PCDH10: variants seen among roughly 807,000 people sequenced by gnomAD.
PCDH10 encodes the protein protocadherin 10.
PCDH10 carries 15 observed loss-of-function variants against 74.4 expected under a neutral mutation model. The observed-to-expected ratio is 0.20, with a 90% confidence interval of 0.13 to 0.31. PCDH10 has a LOEUF of 0.31. Among genes scored for constraint, PCDH10 ranks in the 10% least tolerant of loss-of-function variants. The probability of loss-of-function intolerance (pLI) is 1.00; values close to 1 mark genes in which losing one functional copy is unlikely to be tolerated. For missense variants in PCDH10, 1,260 were observed against 1,390.2 expected, an observed-to-expected ratio of 0.91 and a Z score of 1.49; for synonymous variants, 619 against 589.8, an observed-to-expected ratio of 1.05 and a Z score of -0.72.
At chr4:133,168,822 A>C (rs1727140760) in intron 4 of PCDH10, among the ~76,000 whole-genome samples, 1 of 151,802 alleles carries the variant, frequency 6.6e-6, no homozygotes, top group East Asian at 1.9e-4. Flanking sequence ...TCATTTATGC[A>C]CACACTCAGT....
chr4:133,201,917 G>A (rs1183138663), intron 2 of PCDH10, among the ~76,000 whole-genome samples: 1 of 149,206 alleles, frequency 6.7e-6, no homozygotes, highest in Non-Finnish European at 1.5e-5. Flanking sequence ...ACAATTCTTT[G>A]GCTAGGGGAA....
At position 133,187,275 on chromosome 4, in the gene PCDH10, A is replaced by G. The variant is rs148203495; in HGVS notation, c.3104-2866A>G. The stretch of plus-strand genomic sequence containing the variant: ...TACTGCCTTGAATTTATGTGAATGA[A>G]GTGATGTGCCTGGTGTTAGGCATTA... On this transcript the variant is annotated intron_variant, in intron 4 of 4. Coordinates refer to ENST00000264360, the MANE Select transcript of PCDH10 (RefSeq NM_032961.3). Among the ~76,000 whole-genome samples, 855 of 152,220 alleles carry G rather than the reference A, an allele frequency of 5.6e-3. 9 individuals carry two copies. The highest frequency in any genetic ancestry group is 0.02 in the African/African-American group (817 of 41,554).
chr4:133,181,061 C>T (rs1727404719), intron 4 of PCDH10, among the ~76,000 whole-genome samples: 1 of 151,540 alleles, frequency 6.6e-6, no homozygotes, highest in Non-Finnish European at 1.5e-5. Flanking sequence ...AGTATGTACC[C>T]AGGCCTTCAT....
intron 4 of PCDH10, among the ~76,000 whole-genome samples, chr4:133,169,502 ATTAT>A (rs1367239978): frequency 6.6e-6 from 1 of 151,882 alleles, no homozygotes; most frequent in Admixed American, 6.6e-5. Flanking sequence ...GCGTATTAAC[ATTAT>A]TTATATACCT....
intron 3 of PCDH10, among the ~76,000 whole-genome samples, chr4:133,157,971 G>A (rs1236373541): frequency 1.3e-5 from 2 of 151,838 alleles, no homozygotes; most frequent in African/African-American, 4.8e-5. Context: ...GAAATTCTTC[G>A]CCTTGACCAC....
intron 4 of PCDH10, among the ~76,000 whole-genome samples, chr4:133,168,789 T>G (rs1727140301): frequency 6.6e-6 from 1 of 151,700 alleles, no homozygotes; most frequent in Admixed American, 6.6e-5. Flanking sequence ...AAAATTTCAT[T>G]AATGTTGTCA....
rs1293767439 is a variant in PCDH10, at chr4:133,193,110, T to A, written c.*2950T>A. Reference sequence around the variant, plus strand: ...AAAATTTCCTGTGGAAACAGTGTCTTAATGTTTCAAAGGTATGTCAAAAGA... The same window carrying A: ...AAAATTTCCTGTGGAAACAGTGTCTAAATGTTTCAAAGGTATGTCAAAAGA... On this transcript the variant is annotated 3_prime_UTR_variant, in exon 5 of 5. Coordinates refer to ENST00000264360, the MANE Select transcript of PCDH10 (RefSeq NM_032961.3). 1 of 151,682 alleles carries A rather than the reference T, an allele frequency of 6.6e-6. No homozygotes were observed. The highest frequency in any genetic ancestry group is 2.4e-5 in the African/African-American group (1 of 41,430). 9.4% of individuals were successfully genotyped at this position (151,682 alleles called of 1,614,324 possible).
chr4:133,188,849 ACT>A (rs1727597334), intron 4 of PCDH10, among the ~76,000 whole-genome samples: 1 of 151,508 alleles, frequency 6.6e-6, no homozygotes, highest in Non-Finnish European at 1.5e-5. Context: ...AATATTTTGT[ACT>A]TTTAGTAGAG....
At chr4:133,184,791 T>C (rs990544169) in intron 4 of PCDH10, among the ~76,000 whole-genome samples, 1 of 139,046 alleles carries the variant, frequency 7.2e-6, no homozygotes, top group Non-Finnish European at 1.5e-5. Context: ...TATAAATATA[T>C]ATATTTATAT....
chr4:133,205,312 A>T (rs1027168069), intron 2 of PCDH10, among the ~76,000 whole-genome samples: 1 of 152,206 alleles, frequency 6.6e-6, no homozygotes, highest in Non-Finnish European at 1.5e-5. Flanking sequence ...GGCTTGACTC[A>T]TGTCAAATTT....
intron 4 of PCDH10, among the ~76,000 whole-genome samples, chr4:133,187,992 T>C (rs763640760): frequency 1.2e-4 from 18 of 152,152 alleles, no homozygotes; most frequent in African/African-American, 1.2e-4. Context: ...TTTTTTGACA[T>C]AATGAATTAG....
intron 4 of PCDH10, among the ~76,000 whole-genome samples, chr4:133,164,236 C>T (rs1041536954): frequency 4.6e-5 from 7 of 151,950 alleles, no homozygotes; most frequent in Admixed American, 6.6e-5. Flanking sequence ...ATTGAGATGT[C>T]TAAAATGCAA....
chr4:133,162,600 C>T (rs1405575086), intron 3 of PCDH10, among the ~76,000 whole-genome samples: 1 of 151,910 alleles, frequency 6.6e-6, no homozygotes, highest in African/African-American at 2.4e-5. Context: ...GCTTTTACAC[C>T]TTGTTGTTTT....
At chr4:133,189,669 A>G (rs893950232) in intron 4 of PCDH10, among the ~76,000 whole-genome samples, 2 of 152,078 alleles carry the variant, frequency 1.3e-5, no homozygotes, top group Admixed American at 6.6e-5. Flanking sequence ...ATTTAACTAC[A>G]TAAACACTTT....
In PCDH10 at chr4:133,151,852, C is replaced by T; in HGVS notation, c.1712C>T (p.Ala571Val). 1 of 1,613,102 alleles carries T rather than the reference C, an allele frequency of 6.2e-7. No individual in the cohort carries two copies. Among genetic ancestry groups the T allele is most frequent in the Non-Finnish European group, 8.5e-7 (1 of 1,180,040 alleles). Reference protein sequence around the residue: ...NILIVDQNDNAPAIVAPLPGR... With the variant: ...NILIVDQNDNVPAIVAPLPGR... ...CTCATAGTGGATCAAAATGACAACG[C>T]CCCTGCCATCGTGGCGCCTCTACCA... is the stretch of plus-strand genomic sequence containing the variant. The change falls in exon 1 of 5, where the codon GCC becomes GTC. Residue 571 changes from alanine (A) to valine (V), a missense_variant. By Grantham distance (64) the Ala-to-Val change is moderately conservative. This residue lies in a region of PCDH10 where 587 missense variants were observed against 616.9 expected (regional missense o/e 0.95). Transcript: ENST00000264360.
rs760135106 is a variant in PCDH10 at position 133,150,940 on chromosome 4, C to G, written c.800C>G (p.Thr267Ser). Reference sequence around the variant, plus strand: ...CTACCAGAGAACTCTCCCCCAGGCACTCTCGTGATCCAGCTCAACGCCACC... The same window carrying G: ...CTACCAGAGAACTCTCCCCCAGGCAGTCTCGTGATCCAGCTCAACGCCACC... Reference protein sequence around the residue: ...VSLPENSPPGTLVIQLNATDP... With the variant: ...VSLPENSPPGSLVIQLNATDP... The change falls in exon 1 of 5, where the codon ACT becomes AGT. Residue 267 changes from threonine (T) to serine (S), a missense_variant. Thr to Ser is a moderately conservative substitution (Grantham distance 58). This residue lies in a region of PCDH10 where 192 missense variants were observed against 161.2 expected (regional missense o/e 1.19). Coordinates refer to ENST00000264360, the MANE Select transcript of PCDH10 (RefSeq NM_032961.3). 1 of 1,613,858 alleles carries G rather than the reference C, an allele frequency of 6.2e-7. No individual in the cohort carries two copies. Among genetic ancestry groups the G allele is most frequent in the Admixed American group, 1.7e-5 (1 of 60,018 alleles).
chr4:133,186,273 T>C (rs1185595414), intron 4 of PCDH10, among the ~76,000 whole-genome samples: 1 of 152,134 alleles, frequency 6.6e-6, no homozygotes. Flanking sequence ...TAATCTAGCA[T>C]TTATGACTCA....
chr4:133,167,916 C>G (rs1263781794), intron 4 of PCDH10, among the ~76,000 whole-genome samples: 2 of 151,094 alleles, frequency 1.3e-5, no homozygotes, highest in Non-Finnish European at 3.0e-5. Flanking sequence ...CAAATGGTAA[C>G]TTGACATCAG....
At chr4:133,188,437 A>T (rs932056286) in intron 4 of PCDH10, among the ~76,000 whole-genome samples, 6 of 152,148 alleles carry the variant, frequency 3.9e-5, no homozygotes, top group Non-Finnish European at 5.9e-5. Flanking sequence ...ATAGGATTTC[A>T]TTCTATTAAA....
Sources: gnomAD v4.1 joint callset for allele counts (sites outside exome capture counted in the v4.1 genomes callset) on GRCh38, gnomAD v4.1.1 for gene constraint, gnomAD v4.1.1 regional missense constraint, MANE v1.5 for transcripts, NCBI Gene and HGNC (gene_info 2026-07-23, HGNC 2026-07-21) for gene names.